Variants in LRCH1 observed in about 807,000 individuals in gnomAD.
LRCH1 encodes leucine rich repeats and calponin homology domain containing 1.
Under a neutral mutation model 94.9 loss-of-function variants are expected in LRCH1, and 23 were observed. The ratio of observed to expected loss-of-function variants is 0.24; its 90% CI spans 0.17 to 0.34. The LOEUF (loss-of-function observed/expected upper bound fraction) is 0.34. LRCH1 is among the 10% of genes least tolerant of loss of function. The pLI is 1.00. For missense variants in LRCH1, 790 were observed against 945.9 expected (o/e 0.84, Z 2.16); for synonymous variants, 364 against 354.9 (o/e 1.03, Z -0.29).
At chr13:46,583,089 T>C (rs919683709) in intron 1 of LRCH1, among the ~76,000 whole-genome samples, 6 of 152,190 alleles carry the variant, frequency 3.9e-5, no homozygotes, top group Non-Finnish European at 8.8e-5. Context: ...TGCCACAGAT[T>C]CTCTAAGGAC....
intron 16 of LRCH1, among the ~76,000 whole-genome samples, chr13:46,720,432 A>G (rs1298862300): frequency 6.6e-6 from 1 of 152,100 alleles, no homozygotes; most frequent in Non-Finnish European, 1.5e-5. Context: ...ACCTCTTTCA[A>G]CACACTCATA....
intron 1 of LRCH1, among the ~76,000 whole-genome samples, chr13:46,583,937 C>T (rs976830154): frequency 6.6e-6 from 1 of 151,664 alleles, no homozygotes; most frequent in Non-Finnish European, 1.5e-5. Flanking sequence ...AGGAATTTTG[C>T]TTTCTTTAGT....
At chr13:46,658,942 C>T (rs1268748594) in intron 2 of LRCH1, among the ~76,000 whole-genome samples, 1 of 152,108 alleles carries the variant, frequency 6.6e-6, no homozygotes, top group Non-Finnish European at 1.5e-5. Context: ...CGCTTGAAAA[C>T]AATATATGTT....
chr13:46,712,228 G>T (rs760095155), intron 14 of LRCH1, among the ~76,000 whole-genome samples: 1 of 152,174 alleles, frequency 6.6e-6, no homozygotes, highest in Non-Finnish European at 1.5e-5. Flanking sequence ...TATAGTGTGT[G>T]TGTGTGCATG....
chr13:46,654,342 G>A (rs1043566444), intron 2 of LRCH1, among the ~76,000 whole-genome samples: 3 of 152,150 alleles, frequency 2.0e-5, no homozygotes, highest in East Asian at 1.9e-4. Flanking sequence ...GCCTTTTCAC[G>A]TCTTTTCTGC....
rs185273828 is a variant in LRCH1 at position 46,735,734 on chromosome 13, C to T, written c.2085+1736C>T. ...TTTAACTATGTTTAGTATCACTTAG[C>T]GTATTTCTGGAATTATGTTTAAGGC... On this transcript the variant is annotated intron_variant, in intron 19 of 19. Transcript: ENST00000389797. Among the ~76,000 whole-genome samples, 129 of 150,576 alleles carry T rather than the reference C, an allele frequency of 8.6e-4. 1 individual carries two copies. Among genetic ancestry groups the T allele is most frequent in the East Asian group, 5.4e-3 (28 of 5,142 alleles).
chr13:46,554,197 AG>A (rs1258418391), intron 1 of LRCH1, among the ~76,000 whole-genome samples: 1 of 152,236 alleles, frequency 6.6e-6, no homozygotes, highest in Non-Finnish European at 1.5e-5. Flanking sequence ...ACCCAGACAA[AG>A]GTGGCACGCC....
Position 46,742,555 on chromosome 13 carries a change from G to T in LRCH1, c.*707G>T. ...CTCAAGGGAAGGAAGTGTCGTTGCTGTTAGAGCCTCACGTGGAGGAGTCAC... is the reference window on the plus strand; with the variant it reads ...CTCAAGGGAAGGAAGTGTCGTTGCTTTTAGAGCCTCACGTGGAGGAGTCAC... On this transcript the variant is annotated 3_prime_UTR_variant, in exon 20 of 20. Transcript: ENST00000389797. 1 of 985,536 alleles carries T rather than the reference G, an allele frequency of 1.0e-6. No homozygotes were observed. The highest frequency in any genetic ancestry group is 1.2e-6 in the Non-Finnish European group (1 of 830,008). 61.0% of individuals were successfully genotyped at this position (985,536 alleles called of 1,614,324 possible). A position where few individuals can be genotyped will look rare whatever the true frequency, so the allele number is the denominator to read the frequency against.
intron 1 of LRCH1, among the ~76,000 whole-genome samples, chr13:46,559,117 C>A (rs1025570788): frequency 6.6e-6 from 1 of 152,178 alleles, no homozygotes. Flanking sequence ...TCACAGAAGA[C>A]TTGATAACAA....
At chr13:46,658,622 G>C (rs1490940994) in intron 2 of LRCH1, among the ~76,000 whole-genome samples, 2 of 152,080 alleles carry the variant, frequency 1.3e-5, no homozygotes, top group Admixed American at 6.5e-5. Context: ...TGGGACTACA[G>C]GCATGCACCA....
chr13:46,686,649 C>A (rs1441580182), intron 5 of LRCH1, among the ~76,000 whole-genome samples: 1 of 152,116 alleles, frequency 6.6e-6, no homozygotes, highest in African/African-American at 2.4e-5. Context: ...CAGAGAAAAA[C>A]TTTTGCTTCT....
intron 3 of LRCH1, among the ~76,000 whole-genome samples, chr13:46,672,029 A>G (rs1044209910): frequency 1.3e-5 from 2 of 152,340 alleles, no homozygotes; most frequent in South Asian, 4.1e-4. Context: ...TCACTACCCT[A>G]CAAATCCTCT....
intron 1 of LRCH1, among the ~76,000 whole-genome samples, chr13:46,595,108 G>A (rs1025935752): frequency 1.3e-5 from 2 of 152,100 alleles, no homozygotes; most frequent in African/African-American, 4.8e-5. Context: ...GTCACTTTAG[G>A]TTTAATTTTA....
intron 1 of LRCH1, among the ~76,000 whole-genome samples, chr13:46,598,379 C>T (rs1237376726): frequency 2.0e-5 from 3 of 151,362 alleles, no homozygotes; most frequent in African/African-American, 4.9e-5. Context: ...ATAGGCAACA[C>T]AGGAACTTGC....
rs141935424 is a variant in LRCH1 at position 46,686,335 on chromosome 13, G to C, written c.822+294G>C. 3.0e-3 allele frequency among the ~76,000 whole-genome samples: 452 copies of C among 152,252 alleles called. 3 individuals carry two copies. The highest frequency in any genetic ancestry group is 0.011 in the African/African-American group (446 of 41,546). ...GATCTCATGTTAATAGACTGAGTGA[G>C]GAAACCCAGCAGGGCCTGTTTGTCT... On this transcript the variant is annotated intron_variant, in intron 5 of 19. Coordinates refer to ENST00000389797, the MANE Select transcript of LRCH1 (RefSeq NM_001164211.2).
intron 18 of LRCH1, among the ~76,000 whole-genome samples, chr13:46,731,265 G>T (rs1873093074): frequency 1.3e-5 from 2 of 151,676 alleles, no homozygotes; most frequent in Admixed American, 1.3e-4. Flanking sequence ...TGGAGATGGA[G>T]TCTCCTCTGT....
chr13:46,602,211 T>C (rs1322530272), intron 1 of LRCH1, among the ~76,000 whole-genome samples: 1 of 152,228 alleles, frequency 6.6e-6, no homozygotes, highest in African/African-American at 2.4e-5. Flanking sequence ...AATTTTTGGT[T>C]CCGCTAGAAT....
intron 1 of LRCH1, among the ~76,000 whole-genome samples, chr13:46,649,160 C>T (rs2051260238): frequency 6.6e-6 from 1 of 152,146 alleles, no homozygotes. Flanking sequence ...ACATCTATTT[C>T]ATCTGTGATA....
downstream of LRCH1, among the ~76,000 whole-genome samples, chr13:46,748,119 C>T (rs1404581031): frequency 6.6e-6 from 1 of 152,046 alleles, no homozygotes; most frequent in East Asian, 1.9e-4. Flanking sequence ...GTTTTTTTAA[C>T]ACATGGATGC....
Sources: allele counts gnomAD v4.1 joint callset (sites outside exome capture counted in the v4.1 genomes callset), GRCh38; gene constraint gnomAD v4.1.1; transcripts MANE v1.5; gene names NCBI Gene and HGNC (gene_info 2026-07-23, HGNC 2026-07-21).